The following NEIL3 variants were observed in gnomAD, a reference collection of about 807,000 sequenced individuals.
NEIL3 encodes endonuclease 8-like 3.
In NEIL3, 48 loss-of-function variants were observed where a neutral mutation model predicts 57.5. The ratio of observed to expected loss-of-function variants is 0.83; its 90% confidence interval spans 0.66 to 1.06. The LOEUF (loss-of-function observed/expected upper bound fraction) is 1.06, where lower values mean the gene tolerates loss of function less well. Ranked by LOEUF, NEIL3 falls within the 50% of genes least tolerant of loss-of-function variation. The pLI is 0.00. For synonymous variants in NEIL3, 261 were observed against 253.2 expected, an observed-to-expected ratio of 1.03 and a Z score of -0.29; for missense variants, 717 against 739.1, an observed-to-expected ratio of 0.97 and a Z score of 0.35.
intron 4 of NEIL3, among the ~76,000 whole-genome samples, 159 bp from the exon 5 acceptor site, chr4:177,339,624 G>A (rs901200981): frequency 6.6e-6 from 1 of 152,178 alleles, no homozygotes; most frequent in East Asian, 1.9e-4. Context: ...AAAAATCTGC[G>A]TATAAGTGGA....
At chr4:177,352,540 G>A (rs1216904397) in intron 7 of NEIL3, among the ~76,000 whole-genome samples, 2 of 152,068 alleles carry the variant, frequency 1.3e-5, no homozygotes, top group African/African-American at 4.8e-5. Context: ...TTTAATAGAT[G>A]TTAAGTCTGG....
At position 177,353,380 on chromosome 4, in the gene NEIL3, GA is replaced by G; in HGVS notation, c.1116del (p.Lys372AsnfsTer21). 1 of 1,613,690 alleles carries G rather than the reference GA, an allele frequency of 6.2e-7. No individual in the cohort carries two copies. Among genetic ancestry groups the G allele is most frequent in the Non-Finnish European group, 8.5e-7 (1 of 1,179,814 alleles). ...HLMKYPCNTF[G>X]KPHTEVKINR... ...ATGAAGTACCCGTGTAATACTTTTG[GA>G]AAACCTCATACAGAAGTCAAGATCA... On this transcript the variant is annotated frameshift_variant, in exon 8 of 10. Coordinates refer to ENST00000264596, the MANE Select transcript of NEIL3 (RefSeq NM_018248.3). LOFTEE classifies it high-confidence loss of function.
intron 6 of NEIL3, among the ~76,000 whole-genome samples, chr4:177,348,970 C>A (rs1468668724): frequency 2.0e-5 from 3 of 146,870 alleles, no homozygotes; most frequent in Non-Finnish European, 4.5e-5. Context: ...CGGGTTCACG[C>A]CATTCTCCTG....
intron 6 of NEIL3, 37 bp downstream of exon 6, chr4:177,341,679 A>C: frequency 6.5e-7 from 1 of 1,546,542 alleles, no homozygotes; most frequent in East Asian, 2.3e-5. Flanking sequence ...CATTTGCCCT[A>C]ACCATCTAAC....
intron 2 of NEIL3, among the ~76,000 whole-genome samples, 159 bp downstream of exon 2, chr4:177,322,739 T>C (rs1444429117): frequency 6.6e-6 from 1 of 152,146 alleles, no homozygotes; most frequent in Non-Finnish European, 1.5e-5. Flanking sequence ...TGGAAATCAA[T>C]AAACAGCAGA....
intron 6 of NEIL3, among the ~76,000 whole-genome samples, chr4:177,346,019 C>G (rs1019700734): frequency 2.6e-5 from 4 of 152,030 alleles, no homozygotes; most frequent in African/African-American, 2.4e-5. Flanking sequence ...TCTCCTCCCA[C>G]TGGAATATAG....
At chr4:177,360,259 C>T (rs1309075307) in intron 8 of NEIL3, among the ~76,000 whole-genome samples, 1 of 152,142 alleles carries the variant, frequency 6.6e-6, no homozygotes, top group East Asian at 1.9e-4. Flanking sequence ...AGTCCAGCTG[C>T]TTTTGTTCTT....
rs1232476357 is a variant in NEIL3 at position 177,329,911 on chromosome 4, CT to C, written c.279-5765del. ...AAATTATTGAGATACCTAGAAAAAT[CT>C]TTTTTTTTTTTCTTTTTCAAATGGA... On this transcript the variant is annotated intron_variant, in intron 2 of 9. Transcript: ENST00000264596. 9.8e-3 allele frequency among the ~76,000 whole-genome samples: 1,438 copies of C among 146,388 alleles called. 20 individuals are homozygous for C. The highest frequency in any genetic ancestry group is 0.032 in the African/African-American group (1,286 of 40,192).
At chr4:177,339,286 A>G (rs977405744) in intron 4 of NEIL3, among the ~76,000 whole-genome samples, 3 of 152,206 alleles carry the variant, frequency 2.0e-5, no homozygotes, top group African/African-American at 7.2e-5. Flanking sequence ...TTGAGAAAAG[A>G]AATTGTTATT....
In NEIL3 at chr4:177,310,003, G is replaced by A. The variant is rs200543340; in HGVS notation, c.50G>A (p.Arg17Gln). Residue 17 changes from arginine (R) to glutamine (Q), a missense_variant, in exon 1 of 10, where the codon CGG (arginine) becomes CAG (glutamine). By Grantham distance (43) the Arg-to-Gln change is conservative (BLOSUM62 1). Transcript: ENST00000264596. ...CTGAATGGAGAGAAGATTCGCGCGC[G>A]GGTGCTCCCGGGCCAGGCGGTGACC... ...CTLNGEKIRA[R>Q]VLPGQAVTGV... is the part of the protein sequence containing the mutation. 9.3e-6 allele frequency: 15 copies of A among 1,610,798 alleles called. No homozygotes were observed. The South Asian group carries it at 1.1e-4, about 12-fold the overall frequency.
chr4:177,368,441 T>C, the NEIL3 span, among the ~76,000 whole-genome samples: 1 of 152,226 alleles, frequency 6.6e-6, no homozygotes, highest in Admixed American at 6.5e-5. Flanking sequence ...TGAAACTTCT[T>C]TTTGTGGATG....
downstream of NEIL3, among the ~76,000 whole-genome samples, chr4:177,365,359 A>G (rs1325926979): frequency 6.6e-6 from 1 of 152,348 alleles, no homozygotes; most frequent in Middle Eastern, 3.4e-3. Context: ...CCTGCAACCC[A>G]GAACTGGAAT....
downstream of NEIL3, among the ~76,000 whole-genome samples, chr4:177,365,623 A>G (rs1735683823): frequency 1.3e-5 from 2 of 152,088 alleles, no homozygotes; most frequent in South Asian, 2.1e-4. Flanking sequence ...TTGAGTAACT[A>G]TTTTGTTTTT....
chr4:177,353,612 C>T lies in NEIL3; in HGVS notation c.1344C>T (p.Asn448=). The T allele has an allele frequency of 6.2e-7, 1 of 1,613,546 alleles. No individual in the cohort carries two copies. The highest frequency in any genetic ancestry group is 8.5e-7 in the Non-Finnish European group (1 of 1,179,616). ...NDITQPSSKV[N]ISPTISSESK... is the part of the protein sequence containing the mutation. ...TAACTCAACCATCCAGCAAAGTAAA[C>T]ATATCACCTACAATCAGTTCAGAAT... is the stretch of plus-strand genomic sequence containing the variant. The change falls in exon 8 of 10, where the codon AAC becomes AAT. Residue 448 remains asparagine (N), a synonymous_variant. Coordinates refer to ENST00000264596, the MANE Select transcript of NEIL3 (RefSeq NM_018248.3).
chr4:177,338,013 G>GTC lies in NEIL3; in HGVS notation c.627+1703_627+1704dup, dbSNP rs749630205. Among the ~76,000 whole-genome samples the GTC allele has an allele frequency of 5.0e-3, 703 of 141,768 alleles. 2 individuals are homozygous for GTC. Among genetic ancestry groups the GTC allele is most frequent in the Middle Eastern group, 0.011 (3 of 284 alleles). 93.0% of individuals were successfully genotyped at this position (141,768 alleles called of 152,430 possible). ...CAGTCTGGCAACAGAGCGAGACTCT[G>GTC]TCTCTCTCTCTCACACACACACACA... On this transcript the variant is annotated intron_variant, in intron 4 of 9. Coordinates refer to ENST00000264596, the MANE Select transcript of NEIL3 (RefSeq NM_018248.3).
chr4:177,317,327 T>A (rs1734593488), intron 1 of NEIL3, among the ~76,000 whole-genome samples: 2 of 152,206 alleles, frequency 1.3e-5, no homozygotes, highest in African/African-American at 4.8e-5. Flanking sequence ...TTGGAGGTTC[T>A]CTTTGAAGCT....
chr4:177,337,116 G>T (rs1578996266), intron 4 of NEIL3, among the ~76,000 whole-genome samples: 1 of 151,918 alleles, frequency 6.6e-6, no homozygotes, highest in Admixed American at 6.6e-5. Context: ...GTGGTTAAAG[G>T]GCAGAGGTTA....
chr4:177,349,516 C>G (rs1735307442), intron 6 of NEIL3, among the ~76,000 whole-genome samples: 1 of 152,162 alleles, frequency 6.6e-6, no homozygotes, highest in Non-Finnish European at 1.5e-5. Flanking sequence ...TATAAAGACA[C>G]TTGTGATTGG....
At chr4:177,332,340 C>G (rs1181256492) in intron 2 of NEIL3, among the ~76,000 whole-genome samples, 1 of 145,578 alleles carries the variant, frequency 6.9e-6, no homozygotes, top group African/African-American at 2.4e-5. Flanking sequence ...ACCTCACCTT[C>G]AACAGGCCAG....
Sources: gnomAD v4.1 joint callset for allele counts (sites outside exome capture counted in the v4.1 genomes callset) on GRCh38, gnomAD v4.1.1 for gene constraint, MANE v1.5 for transcripts, NCBI Gene and HGNC (gene_info 2026-07-23, HGNC 2026-07-21) for gene names.